The following MGAT4C variants were observed in gnomAD, a reference collection of about 807,000 sequenced individuals.
MGAT4C encodes the protein MGAT4 family member C, also known as alpha-1,3-mannosyl-glycoprotein 4-beta-N-acetylglucosaminyltransferase C.
Under a neutral mutation model 40.1 loss-of-function variants are expected in MGAT4C, and 19 were observed. That is an observed-to-expected ratio of 0.47 (90% CI 0.33 to 0.70). MGAT4C has a LOEUF of 0.70. MGAT4C is among the 30% of genes least tolerant of loss of function. The probability of loss-of-function intolerance (pLI) is 0.02; values close to 1 mark genes in which losing one functional copy is unlikely to be tolerated. For synonymous variants in MGAT4C, 181 were observed against 187.1 expected, an observed-to-expected ratio of 0.97 and a Z score of 0.27; for missense variants, 491 against 563.2, an observed-to-expected ratio of 0.87 and a Z score of 1.30.
In MGAT4C at chr12:85,999,583, G is replaced by GTATATA. The variant is rs67914292; in HGVS notation, c.-6-10037_-6-10032dup. Among the ~76,000 whole-genome samples the GTATATA allele has an allele frequency of 2.4e-3, 298 of 122,962 alleles. 1 individual carries two copies. Among genetic ancestry groups the GTATATA allele is most frequent in the Middle Eastern group, 3.9e-3 (1 of 258 alleles). 80.7% of individuals were successfully genotyped at this position (122,962 alleles called of 152,430 possible). A position where few individuals can be genotyped will look rare whatever the true frequency, so the allele number is the denominator to read the frequency against. ...AAAGAAAATGTGTGTGTGTGTGTGT[G>GTATATA]TATATATATATATATATATATATAT... is the stretch of plus-strand genomic sequence containing the variant. On this transcript the variant is annotated intron_variant, in intron 2 of 4. Coordinates refer to ENST00000611864, the MANE Select transcript of MGAT4C (RefSeq NM_001351288.2).
chr12:86,712,744 T>A (rs1279947665), intron 2 of MGAT4C, among the ~76,000 whole-genome samples: 1 of 152,040 alleles, frequency 6.6e-6, no homozygotes, highest in Non-Finnish European at 1.5e-5. Context: ...TCAAGTCAGG[T>A]ACCAGGAAGG....
chr12:86,611,303 C>CA lies in MGAT4C; in HGVS notation c.-229+115905dup, dbSNP rs1381404646. On this transcript the variant is annotated intron_variant, in intron 2 of 7. Coordinates refer to the MGAT4C transcript ENST00000548651. Reference sequence around the variant, plus strand: ...GCCTGCTGTTCTGGAATCTCTACAGCAGATACGCAAAGACGTGCAGACACA... The same window carrying CA: ...GCCTGCTGTTCTGGAATCTCTACAGCAAGATACGCAAAGACGTGCAGACACA... 2.8e-4 allele frequency among the ~76,000 whole-genome samples: 42 copies of CA among 151,994 alleles called. No homozygotes were observed. The Middle Eastern group carries it at 0.01, about 37-fold the overall frequency.
intron 1 of MGAT4C, among the ~76,000 whole-genome samples, chr12:86,821,587 C>T (rs1952707491): frequency 2.0e-5 from 3 of 151,022 alleles, no homozygotes; most frequent in South Asian, 2.1e-4. Context: ...TGCTACCAAA[C>T]ACTATATCTT....
chr12:85,984,347 A>G (rs546138585), intron 3 of MGAT4C, among the ~76,000 whole-genome samples: 1 of 151,746 alleles, frequency 6.6e-6, no homozygotes, highest in East Asian at 1.9e-4. Flanking sequence ...GTAGATATCT[A>G]TGACTAATAT....
rs535327937 is a variant in MGAT4C, at chr12:86,796,234, TG to T, written c.-262+42431del. On this transcript the variant is annotated intron_variant, in intron 1 of 7. Transcript: ENST00000548651. ...CACGTGCCAGGTTGTGTGTTACTAC[TG>T]TGCTTCAATTATGTTCTTTACTCCT... Among the ~76,000 whole-genome samples, 66 of 151,942 alleles carry T rather than the reference TG, an allele frequency of 4.3e-4. 1 individual carries two copies. The highest frequency in any genetic ancestry group is 1.3e-3 in the Admixed American group (20 of 15,200).
intron 2 of MGAT4C, among the ~76,000 whole-genome samples, chr12:86,620,306 C>T (rs1012828720): frequency 6.6e-6 from 1 of 151,932 alleles, no homozygotes; most frequent in Non-Finnish European, 1.5e-5. Context: ...ATGGAATCAA[C>T]CTAAGTGTCC....
At chr12:86,758,528 C>T (rs1951346047) in intron 1 of MGAT4C, among the ~76,000 whole-genome samples, 1 of 151,432 alleles carries the variant, frequency 6.6e-6, no homozygotes, top group Non-Finnish European at 1.5e-5. Flanking sequence ...CTTTCTCTTC[C>T]CTTTATAGAT....
At chr12:86,697,642 A>T (rs1593125700) in intron 2 of MGAT4C, among the ~76,000 whole-genome samples, 1 of 152,096 alleles carries the variant, frequency 6.6e-6, no homozygotes, top group East Asian at 1.9e-4. Context: ...TACATGATAA[A>T]TTATATTTAA....
In MGAT4C at chr12:86,184,738, TAAAAAAA is replaced by T. The variant is rs34098097; in HGVS notation, c.-57+71494_-57+71500del. Among the ~76,000 whole-genome samples the T allele has an allele frequency of 1.8e-3, 158 of 86,890 alleles. 1 individual carries two copies. The East Asian group carries it at 0.048, about 26-fold the overall frequency. The allele number at this position is 86,890 out of a possible 152,430, so 57.0% of individuals were successfully genotyped here. On this transcript the variant is annotated intron_variant, in intron 1 of 4. Transcript: ENST00000611864. ...CCTGCCTTATTTCTTTTTCTCCTGT[TAAAAAAA>T]AAAAAAAAAAAAAAAAAAACTATGG...
intron 3 of MGAT4C, among the ~76,000 whole-genome samples, chr12:86,416,421 C>G (rs1358460298): frequency 6.6e-6 from 1 of 151,968 alleles, no homozygotes; most frequent in Non-Finnish European, 1.5e-5. Flanking sequence ...GACTGTCATA[C>G]AAAACAGAAG....
intron 2 of MGAT4C, among the ~76,000 whole-genome samples, chr12:86,444,368 TTTC>T (rs1297247342): frequency 1.3e-5 from 2 of 152,132 alleles, no homozygotes; most frequent in African/African-American, 4.8e-5. Context: ...TGGATCTCTT[TTTC>T]TTCTCAATCT....
intron 1 of MGAT4C, among the ~76,000 whole-genome samples, chr12:86,819,403 C>CA: frequency 6.7e-6 from 1 of 150,130 alleles, no homozygotes; most frequent in East Asian, 1.9e-4. Context: ...GATTCAAATG[C>CA]AAAAAAGAAA....
chr12:86,161,181 A>T (rs1885548537), intron 1 of MGAT4C, among the ~76,000 whole-genome samples: 1 of 152,136 alleles, frequency 6.6e-6, no homozygotes. Context: ...ATGTCACCAA[A>T]AAAGAGCCCA....
chr12:86,817,567 T>C (rs1952630512), intron 1 of MGAT4C, among the ~76,000 whole-genome samples: 1 of 151,554 alleles, frequency 6.6e-6, no homozygotes, highest in South Asian at 2.1e-4. Context: ...ATCTAGCATT[T>C]ATTGAGAAAT....
At chr12:86,705,847 C>T (rs927966924) in intron 2 of MGAT4C, among the ~76,000 whole-genome samples, 2 of 152,138 alleles carry the variant, frequency 1.3e-5, no homozygotes, top group African/African-American at 4.8e-5. Flanking sequence ...AGTAGTTCCA[C>T]TTATGTGAGC....
chr12:86,505,501 C>G (rs1592929682), intron 2 of MGAT4C, among the ~76,000 whole-genome samples: 1 of 152,174 alleles, frequency 6.6e-6, no homozygotes, highest in Non-Finnish European at 1.5e-5. Flanking sequence ...CAAATGTCAT[C>G]TTTCAAAGTT....
intron 3 of MGAT4C, among the ~76,000 whole-genome samples, chr12:86,351,226 C>T (rs1295985742): frequency 3.3e-5 from 5 of 151,720 alleles, no homozygotes; most frequent in African/African-American, 1.2e-4. Flanking sequence ...CACACATTTC[C>T]TTCTTGTGAG....
chr12:86,289,126 G>A (rs1953435021), intron 4 of MGAT4C, among the ~76,000 whole-genome samples: 1 of 152,106 alleles, frequency 6.6e-6, no homozygotes, highest in South Asian at 2.1e-4. Flanking sequence ...TCTGCCTAGA[G>A]CTAGCAAGTT....
chr12:85,985,531 C>T (rs1328417142), intron 3 of MGAT4C, among the ~76,000 whole-genome samples: 1 of 151,818 alleles, frequency 6.6e-6, no homozygotes, highest in Non-Finnish European at 1.5e-5. Context: ...TAATTTGGAC[C>T]AAGAAATACT....
Sources: allele counts gnomAD v4.1 joint callset (sites outside exome capture counted in the v4.1 genomes callset), GRCh38; gene constraint gnomAD v4.1.1; transcripts MANE v1.5; gene names NCBI Gene and HGNC (gene_info 2026-07-23, HGNC 2026-07-21).